Variants in CACNA1H observed in about 807,000 individuals in gnomAD.
CACNA1H encodes the protein voltage-dependent T-type calcium channel subunit alpha-1H.
A neutral mutation model predicts 192.5 loss-of-function variants in CACNA1H; 149 were observed. The ratio of observed to expected loss-of-function variants is 0.77; its 90% CI spans 0.68 to 0.89. The LOEUF is 0.89. Among genes scored for constraint, CACNA1H ranks in the 40% least tolerant of loss-of-function variants. CACNA1H has a pLI of 0.00. For synonymous variants in CACNA1H, 2,202 were observed against 1,475.2 expected, an observed-to-expected ratio of 1.49 and a Z score of -11.29; for missense variants, 4,257 against 3,423.5, an observed-to-expected ratio of 1.24 and a Z score of -6.08.
At chr16:1,162,915 C>T (rs143710096) in intron 2 of CACNA1H, among the ~76,000 whole-genome samples, 40 of 152,334 alleles carry the variant, frequency 2.6e-4, no homozygotes, top group African/African-American at 9.1e-4. Flanking sequence ...GTCCCTGGAA[C>T]GCCTCTTCTC....
At chr16:1,193,110 C>T (rs1432491265) in intron 2 of CACNA1H, among the ~76,000 whole-genome samples, 1 of 152,202 alleles carries the variant, frequency 6.6e-6, no homozygotes, top group African/African-American at 2.4e-5. Context: ...TTCCCCACAC[C>T]TGCCTGCTGT....
chr16:1,172,057 C>T lies in CACNA1H; in HGVS notation c.299+18021C>T, dbSNP rs572819533. 1.7e-3 allele frequency among the ~76,000 whole-genome samples: 265 copies of T among 151,488 alleles called. 13 individuals carry two copies. In the South Asian group the frequency reaches 0.054, roughly 31 times the overall value. On this transcript the variant is annotated intron_variant, in intron 2 of 34. Coordinates refer to ENST00000348261, the MANE Select transcript of CACNA1H (RefSeq NM_021098.3). ...TCAAGGTCCTGGGGTCCCCAGCAGC[C>T]TTCACTGAACTCTGAAGCCAGCCTG...
intron 2 of CACNA1H, among the ~76,000 whole-genome samples, chr16:1,160,657 G>A (rs946275358): frequency 3.3e-5 from 5 of 152,192 alleles, no homozygotes; most frequent in East Asian, 1.9e-4. Context: ...AGGTGGGCCC[G>A]GGCTGACGGG....
chr16:1,173,580 A>C (rs866063071), intron 2 of CACNA1H, among the ~76,000 whole-genome samples: 1 of 152,278 alleles, frequency 6.6e-6, no homozygotes, highest in Non-Finnish European at 1.5e-5. Flanking sequence ...GGAAAAGGTT[A>C]TATTTCTCAA....
At chr16:1,184,157 G>A (rs1030660822) in intron 2 of CACNA1H, among the ~76,000 whole-genome samples, 1 of 152,224 alleles carries the variant, frequency 6.6e-6, no homozygotes, top group Non-Finnish European at 1.5e-5. Flanking sequence ...TGCCCACAGG[G>A]GGCTTCCGGT....
At chr16:1,177,020 T>C (rs139758246) in intron 2 of CACNA1H, among the ~76,000 whole-genome samples, 1,538 of 152,016 alleles carry the variant, frequency 0.01, 19 homozygotes, top group Middle Eastern at 0.061. Flanking sequence ...CCTCACTCCC[T>C]CCCCCCAGGA....
chr16:1,166,810 G>A (rs868699574), intron 2 of CACNA1H, among the ~76,000 whole-genome samples: 48 of 152,300 alleles, frequency 3.2e-4, no homozygotes, highest in Admixed American at 2.3e-3. Flanking sequence ...GGGCTGCGGT[G>A]TTTATCTCTT....
chr16:1,206,014 C>T (rs1442732395), intron 11 of CACNA1H, 90 bp from the exon 12 acceptor site: 5 of 1,286,456 alleles, frequency 3.9e-6, no homozygotes, highest in African/African-American at 1.5e-5. Flanking sequence ...GCCGCTGTGG[C>T]TCCCTGGCTG....
chr16:1,195,749 T>G (rs1033461942), intron 4 of CACNA1H, among the ~76,000 whole-genome samples, 177 bp from the exon 5 acceptor site: 1 of 152,126 alleles, frequency 6.6e-6, no homozygotes, highest in South Asian at 2.1e-4. Flanking sequence ...GGAGGTGGCC[T>G]CCTGATGTGA....
At chr16:1,207,531 G>A in intron 14 of CACNA1H, 101 bp downstream of exon 14, 1 of 1,289,012 alleles carries the variant, frequency 7.8e-7, no homozygotes, top group Non-Finnish European at 1.1e-6. Flanking sequence ...AAGAGGTGAG[G>A]GATAGAGAAG....
chr16:1,172,045 G>T (rs958287668), intron 2 of CACNA1H, among the ~76,000 whole-genome samples: 2 of 152,364 alleles, frequency 1.3e-5, no homozygotes, highest in Non-Finnish European at 2.9e-5. Context: ...AGGTCCTGGG[G>T]TCCCCAGCAG....
chr16:1,195,061 C>T lies in CACNA1H; in HGVS notation c.389C>T (p.Ser130Phe). 1 of 1,607,816 alleles carries T rather than the reference C, an allele frequency of 6.2e-7. No homozygotes were observed. Among genetic ancestry groups the T allele is most frequent in the Non-Finnish European group, 8.5e-7 (1 of 1,176,450 alleles). The change falls in exon 3 of 35, where the codon TCC becomes TTC. Residue 130 changes from serine (S) to phenylalanine (F), a missense_variant. By Grantham distance (155) the Ser-to-Phe change is radical. Coordinates refer to ENST00000348261, the MANE Select transcript of CACNA1H (RefSeq NM_021098.3). ...CCCTGTGAGGACGTTGAGTGCGGCT[C>T]CGAGCGCTGCAACATCCTGGAGGTG... ...FRPCEDVECG[S>F]ERCNILEAFD...
chr16:1,201,718 C>T lies in CACNA1H; in HGVS notation c.1268C>T (p.Ser423Leu), dbSNP rs60741169. ...CTGGTGGTGATTGCCACGCAGTTCT[C>T]GGAGACGAAGCAGCGGGAGAGTCAG... ...LCLVVIATQF[S>L]ETKQRESQLM... The change falls in exon 9 of 35, where the codon TCG becomes TTG. Residue 423 changes from serine (S) to leucine (L), a missense_variant. Ser to Leu is a moderately radical substitution (Grantham distance 145, BLOSUM62 -2). Transcript: ENST00000348261. 9 of 1,610,454 alleles carry T rather than the reference C, an allele frequency of 5.6e-6. No individual in the cohort carries two copies. The highest frequency in any genetic ancestry group is 2.2e-5 in the East Asian group (1 of 44,822).
In CACNA1H at chr16:1,220,304, G is replaced by A. The variant is rs756801348; in HGVS notation, c.6372G>A (p.Pro2124=). 21 of 1,564,656 alleles carry A rather than the reference G, an allele frequency of 1.3e-5. No homozygotes were observed. Among genetic ancestry groups the A allele is most frequent in the East Asian group, 4.7e-5 (2 of 42,358 alleles). The change falls in exon 35 of 35, where the codon CCG becomes CCA. Residue 2124 remains proline (P), a synonymous_variant. Transcript: ENST00000348261. ...TAEPHGPEAS[P]VAGGERDLRR... ...AGCCCCATGGCCCCGAAGCCTCTCC[G>A]GTGGCCGGCGGCGAGCGGGACCTGC... is the stretch of plus-strand genomic sequence containing the variant.
intron 34 of CACNA1H, 86 bp from the exon 35 acceptor site, chr16:1,219,895 C>G: frequency 1.8e-6 from 2 of 1,106,376 alleles, no homozygotes; most frequent in Non-Finnish European, 2.3e-6. Context: ...TCTCCAGTAC[C>G]TGGATGGTGA....
chr16:1,158,829 G>A (rs1022941149), intron 2 of CACNA1H, among the ~76,000 whole-genome samples: 7 of 151,606 alleles, frequency 4.6e-5, no homozygotes, highest in Admixed American at 1.3e-4. Context: ...CACTCAGCCC[G>A]CACCCCCGGC....
At chr16:1,173,201 G>T (rs931740426) in intron 2 of CACNA1H, among the ~76,000 whole-genome samples, 1 of 152,210 alleles carries the variant, frequency 6.6e-6, no homozygotes, top group Non-Finnish European at 1.5e-5. Flanking sequence ...GAGGCTGGAA[G>T]GGGGCAGTAG....
At chr16:1,209,830 C>T (rs948176868) in intron 17 of CACNA1H, among the ~76,000 whole-genome samples, 5 of 152,208 alleles carry the variant, frequency 3.3e-5, no homozygotes, top group East Asian at 1.9e-4. Flanking sequence ...GTCACTCTGC[C>T]GTCACCAGCG....
intron 27 of CACNA1H, among the ~76,000 whole-genome samples, chr16:1,214,482 C>T (rs1969833217): frequency 2.0e-5 from 3 of 152,270 alleles, no homozygotes; most frequent in African/African-American, 4.8e-5. Flanking sequence ...TCCGGAGGTT[C>T]GTCCTCAGAG....
Sources: gnomAD v4.1 joint callset for allele counts (sites outside exome capture counted in the v4.1 genomes callset) on GRCh38, gnomAD v4.1.1 for gene constraint, MANE v1.5 for transcripts, NCBI Gene and HGNC (gene_info 2026-07-23, HGNC 2026-07-21) for gene names.